Variants in ARB2A observed in about 807,000 individuals in gnomAD.
ARB2A encodes ARB2 cotranscriptional regulator A.
chr5:93,692,321 A>G, the ARB2A span, among the ~76,000 whole-genome samples: 7 of 152,130 alleles, frequency 4.6e-5, no homozygotes, highest in Non-Finnish European at 8.8e-5. Flanking sequence ...AAAATAAAAC[A>G]ATGGAGGGAT....
the ARB2A span, among the ~76,000 whole-genome samples, chr5:93,838,860 G>A: frequency 1.3e-5 from 2 of 152,124 alleles, no homozygotes; most frequent in Non-Finnish European, 2.9e-5. Context: ...GTTGTTTGGT[G>A]TATAGGAATG....
At chr5:93,849,664 G>C in the ARB2A span, among the ~76,000 whole-genome samples, 6 of 152,086 alleles carry the variant, frequency 3.9e-5, no homozygotes, top group African/African-American at 1.4e-4. Flanking sequence ...TAATAGATCA[G>C]ATAGTATTTT....
chr5:93,782,425 T>C, the ARB2A span, among the ~76,000 whole-genome samples: 2 of 152,196 alleles, frequency 1.3e-5, no homozygotes, highest in Non-Finnish European at 2.9e-5. Flanking sequence ...AGCTGGTACA[T>C]GCTAGATTCT....
At chr5:93,999,752 A>G in the ARB2A span, among the ~76,000 whole-genome samples, 21 of 152,112 alleles carry the variant, frequency 1.4e-4, no homozygotes, top group South Asian at 6.2e-4. Flanking sequence ...ACAAATATAT[A>G]ATGACATGTA....
chr5:93,917,584 T>C, the ARB2A span, among the ~76,000 whole-genome samples: 1 of 152,116 alleles, frequency 6.6e-6, no homozygotes, highest in South Asian at 2.1e-4. Context: ...TCCTGCAACA[T>C]AAAAAACAGT....
the ARB2A span, among the ~76,000 whole-genome samples, chr5:93,696,010 G>A: frequency 2.0e-5 from 3 of 151,044 alleles, no homozygotes; most frequent in African/African-American, 7.3e-5. Flanking sequence ...ACAGGGAGAG[G>A]AACATCACAC....
At chr5:93,683,721 G>A in the ARB2A span, 1 of 1,610,464 alleles carries the variant, frequency 6.2e-7, no homozygotes, top group South Asian at 1.1e-5. Flanking sequence ...CTTCCATCGG[G>A]TGGCGGCACG....
the ARB2A span, among the ~76,000 whole-genome samples, chr5:93,845,243 A>T: frequency 6.6e-6 from 1 of 152,192 alleles, no homozygotes; most frequent in Non-Finnish European, 1.5e-5. Flanking sequence ...CTTTCCTTAT[A>T]CTACCAGGTC....
the ARB2A span, among the ~76,000 whole-genome samples, chr5:93,911,605 C>G: frequency 6.6e-6 from 1 of 150,408 alleles, no homozygotes; most frequent in Non-Finnish European, 1.5e-5. Flanking sequence ...TTCTACAGTT[C>G]ATGTTGTTTG....
the ARB2A span, among the ~76,000 whole-genome samples, chr5:93,747,676 C>G: frequency 1.3e-5 from 2 of 152,014 alleles, no homozygotes; most frequent in Non-Finnish European, 2.9e-5. Context: ...AATACTCATG[C>G]CCAAATCAAA....
chr5:94,071,226 AAT>A, the ARB2A span, among the ~76,000 whole-genome samples: 17 of 152,188 alleles, frequency 1.1e-4, no homozygotes, highest in African/African-American at 4.1e-4. Context: ...GAAACCTACT[AAT>A]ATATGTTTAA....
At chr5:93,723,687 C>T in the ARB2A span, among the ~76,000 whole-genome samples, 2 of 151,938 alleles carry the variant, frequency 1.3e-5, no homozygotes, top group African/African-American at 2.4e-5. Flanking sequence ...TATACCTTAT[C>T]GATGCTAGTG....
chr5:93,779,124 T>TGTGTGC, the ARB2A span, among the ~76,000 whole-genome samples: 429 of 146,352 alleles, frequency 2.9e-3, 1 homozygote, highest in Middle Eastern at 7.0e-3. Flanking sequence ...TGTGTGTGTG[T>TGTGTGC]GCGCGCGCGC....
the ARB2A span, among the ~76,000 whole-genome samples, chr5:93,677,700 T>A: frequency 2.4e-4 from 36 of 152,196 alleles, no homozygotes; most frequent in Non-Finnish European, 4.4e-4. Context: ...AAACTGTTAA[T>A]GATGTTCAGT....
the ARB2A span, among the ~76,000 whole-genome samples, chr5:94,002,221 A>T: frequency 6.6e-6 from 1 of 151,780 alleles, no homozygotes; most frequent in African/African-American, 2.4e-5. Flanking sequence ...AGACCTTCTT[A>T]AAAAAAACAG....
chr5:94,032,473 G>A, the ARB2A span, among the ~76,000 whole-genome samples: 15 of 152,174 alleles, frequency 9.9e-5, no homozygotes. Context: ...AAACCATTCA[G>A]GAGAAATCCA....
the ARB2A span, among the ~76,000 whole-genome samples, chr5:94,024,073 A>G: frequency 2.0e-5 from 3 of 152,240 alleles, no homozygotes; most frequent in Non-Finnish European, 2.9e-5. Flanking sequence ...TACTCAGACT[A>G]AATCACATCT....
the ARB2A span, among the ~76,000 whole-genome samples, chr5:93,857,897 A>G: frequency 2.6e-5 from 4 of 152,238 alleles, no homozygotes; most frequent in African/African-American, 9.6e-5. Flanking sequence ...TGGGAGCTGT[A>G]GACTGGAGCT....
the ARB2A span, among the ~76,000 whole-genome samples, chr5:93,782,358 T>C: frequency 6.6e-6 from 1 of 152,180 alleles, no homozygotes; most frequent in Non-Finnish European, 1.5e-5. Flanking sequence ...AATTCAATTA[T>C]GAAACAGACC....
Sources: gnomAD v4.1 joint callset for allele counts (sites outside exome capture counted in the v4.1 genomes callset) on GRCh38, gnomAD v4.1.1 for gene constraint, MANE v1.5 for transcripts, NCBI Gene and HGNC (gene_info 2026-07-23, HGNC 2026-07-21) for gene names.